The following ZNF407 variants were observed in gnomAD, a reference collection of about 807,000 sequenced individuals.
The protein encoded by ZNF407 is zinc finger protein 407.
ZNF407 carries 17 observed loss-of-function variants against 131.2 expected under a neutral mutation model. That is an observed-to-expected ratio of 0.13 (90% CI 0.09 to 0.19). The LOEUF (loss-of-function observed/expected upper bound fraction) is 0.19, where lower values mean the gene tolerates loss of function less well. Among genes scored for constraint, ZNF407 ranks in the 10% least tolerant of loss-of-function variants. ZNF407 has a pLI of 1.00. For missense variants in ZNF407, 2,681 were observed against 2,830.6 expected (o/e 0.95, Z 1.20); for synonymous variants, 1,156 against 1,062.0 (o/e 1.09, Z -1.72).
chr18:74,678,790 A>G (rs17818946), intron 3 of ZNF407, among the ~76,000 whole-genome samples: 9,586 of 152,294 alleles, frequency 0.063, 431 homozygotes, highest in Non-Finnish European at 0.1. Context: ...TGTGAAATAC[A>G]GTTTTCAAAT....
At chr18:74,946,823 T>C (rs1482762635) in intron 8 of ZNF407, among the ~76,000 whole-genome samples, 1 of 151,790 alleles carries the variant, frequency 6.6e-6, no homozygotes, top group African/African-American at 2.4e-5. Context: ...AGTCATAAGC[T>C]TTATCTTTGA....
intron 7 of ZNF407, among the ~76,000 whole-genome samples, chr18:74,901,343 G>A (rs1267416497): frequency 6.6e-6 from 1 of 152,160 alleles, no homozygotes; most frequent in Non-Finnish European, 1.5e-5. Context: ...AAACAGTGAT[G>A]TATTTCCCTT....
chr18:74,609,147 C>T (rs778230191), intron 1 of ZNF407, among the ~76,000 whole-genome samples: 26 of 152,282 alleles, frequency 1.7e-4, no homozygotes, highest in Non-Finnish European at 5.9e-5. Flanking sequence ...TGCTGATCTC[C>T]GTCAATCAAT....
chr18:74,821,846 A>G (rs150621862), intron 4 of ZNF407, among the ~76,000 whole-genome samples: 12,012 of 152,216 alleles, frequency 0.079, 614 homozygotes, highest in South Asian at 0.17. Flanking sequence ...GAAATGCCAC[A>G]CTGTCTTCCA....
chr18:74,784,420 C>G (rs1054300087), intron 4 of ZNF407, among the ~76,000 whole-genome samples: 1 of 152,148 alleles, frequency 6.6e-6, no homozygotes, highest in Admixed American at 6.5e-5. Flanking sequence ...AATCCATATA[C>G]TTGTACTATA....
rs116001232 is a variant in ZNF407, at chr18:74,959,072, G to A, written c.5428+38380G>A. 2.0e-3 allele frequency among the ~76,000 whole-genome samples: 304 copies of A among 152,276 alleles called. 2 individuals are homozygous for A. The highest frequency in any genetic ancestry group is 6.9e-3 in the African/African-American group (286 of 41,560). ...TTTTCTGAGACCAGGACTTGAGAAT[G>A]TTTGTATATAACCTACTTTTCATAA... On this transcript the variant is annotated intron_variant, in intron 8 of 8. Transcript: ENST00000299687.
intron 3 of ZNF407, among the ~76,000 whole-genome samples, chr18:74,695,785 G>A (rs781567741): frequency 2.0e-5 from 3 of 152,152 alleles, no homozygotes; most frequent in East Asian, 1.9e-4. Context: ...TCTGTTCTCC[G>A]TTTGTGATTG....
intron 3 of ZNF407, among the ~76,000 whole-genome samples, chr18:74,769,348 A>G (rs1193111723): frequency 6.6e-6 from 1 of 151,916 alleles, no homozygotes; most frequent in Non-Finnish European, 1.5e-5. Context: ...GGCCCCACCA[A>G]TGTTTTACCT....
intron 2 of ZNF407, among the ~76,000 whole-genome samples, chr18:74,639,058 C>T (rs1049018904): frequency 1.3e-5 from 2 of 152,104 alleles, no homozygotes; most frequent in South Asian, 4.1e-4. Context: ...GTGAAGCAGT[C>T]AACAAAATAA....
intron 1 of ZNF407, among the ~76,000 whole-genome samples, chr18:74,603,615 C>CA (rs1982676402): frequency 6.6e-6 from 1 of 152,220 alleles, no homozygotes; most frequent in South Asian, 2.1e-4. Context: ...CCTAGAAGCT[C>CA]AGTCTGTTGG....
At chr18:74,731,163 T>C (rs1260918898) in intron 3 of ZNF407, among the ~76,000 whole-genome samples, 1 of 152,204 alleles carries the variant, frequency 6.6e-6, no homozygotes, top group Non-Finnish European at 1.5e-5. Context: ...TTTAGCAATT[T>C]ATGTAAAAAT....
chr18:74,803,026 TAC>T (rs1489916010), intron 4 of ZNF407, among the ~76,000 whole-genome samples: 2 of 152,184 alleles, frequency 1.3e-5, no homozygotes, highest in African/African-American at 4.8e-5. Context: ...GTTATAATGT[TAC>T]CTTTCTTTTT....
chr18:74,634,144 A>G lies in ZNF407; in HGVS notation c.3125A>G (p.Lys1042Arg). 6.2e-7 allele frequency: 1 copy of G among 1,614,000 alleles called. No homozygotes were observed. Among genetic ancestry groups the G allele is most frequent in the Non-Finnish European group, 8.5e-7 (1 of 1,179,908 alleles). Residue 1042 changes from lysine (K) to arginine (R), a missense_variant, in exon 2 of 9, where the codon AAA becomes AGA. Transcript: ENST00000299687. The part of the protein sequence containing the change: ...LELHVKRKHT[K>R]EFEFYCMACD... ...CTGCATGTAAAACGGAAACATACAA[A>G]AGAGTTTGAGTTTTATTGCATGGCA...
At chr18:74,852,340 G>A (rs1032928281) in intron 4 of ZNF407, among the ~76,000 whole-genome samples, 1 of 152,134 alleles carries the variant, frequency 6.6e-6, no homozygotes, top group Non-Finnish European at 1.5e-5. Context: ...CTTTTGAGGG[G>A]AGGGAATAGT....
intron 3 of ZNF407, among the ~76,000 whole-genome samples, chr18:74,734,401 GTT>G (rs1190278017): frequency 6.6e-6 from 1 of 152,126 alleles, no homozygotes; most frequent in African/African-American, 2.4e-5. Context: ...AGGTATTTCA[GTT>G]TTGTTTTTTA....
In ZNF407 at chr18:74,824,833, A is replaced by G. The variant is rs1194766120; in HGVS notation, c.4877+43331A>G. Among the ~76,000 whole-genome samples, 5 of 152,236 alleles carry G rather than the reference A, an allele frequency of 3.3e-5. No individual in the cohort carries two copies. In the East Asian group the frequency reaches 5.8e-4, roughly 18 times the overall value. ...TTCTGAAACTATTCCAAAGAATATA[A>G]AAAGAGGGAATCCTCCCTAATTCAT... On this transcript the variant is annotated intron_variant, in intron 4 of 8. Transcript: ENST00000299687.
chr18:74,637,689 GA>G, intron 2 of ZNF407, among the ~76,000 whole-genome samples: 1 of 152,140 alleles, frequency 6.6e-6, no homozygotes, highest in East Asian at 1.9e-4. Flanking sequence ...ATCTTAAAAT[GA>G]ATTGCTTTTC....
At chr18:75,012,950 TAA>T (rs34245737) in intron 8 of ZNF407, among the ~76,000 whole-genome samples, 410 of 145,484 alleles carry the variant, frequency 2.8e-3, no homozygotes, top group Non-Finnish European at 3.4e-3. Flanking sequence ...GGTCCTTTTT[TAA>T]AAAAAAAAAA....
At chr18:74,842,280 AC>A (rs1481651113) in intron 4 of ZNF407, among the ~76,000 whole-genome samples, 1 of 152,164 alleles carries the variant, frequency 6.6e-6, no homozygotes, top group African/African-American at 2.4e-5. Flanking sequence ...AGCCAATTTC[AC>A]TTTCTTTGTG....
Sources: allele counts gnomAD v4.1 joint callset (sites outside exome capture counted in the v4.1 genomes callset), GRCh38; gene constraint gnomAD v4.1.1; transcripts MANE v1.5; gene names NCBI Gene and HGNC (gene_info 2026-07-23, HGNC 2026-07-21).